UBXN7: variants seen among roughly 807,000 people sequenced by gnomAD.
UBXN7 encodes the protein UBX domain protein 7.
In UBXN7, 9 loss-of-function variants were observed where a neutral mutation model predicts 58.0. The ratio of observed to expected loss-of-function variants is 0.16; its 90% CI spans 0.09 to 0.27. UBXN7 has a LOEUF of 0.27. Ranked by LOEUF, UBXN7 falls within the 10% of genes least tolerant of loss-of-function variation. The pLI is 1.00. For missense variants in UBXN7, 328 were observed against 599.6 expected (o/e 0.55, Z 4.73); for synonymous variants, 208 against 205.0 (o/e 1.01, Z -0.12).
chr3:196,417,523 C>T (rs1046982230), intron 1 of UBXN7, among the ~76,000 whole-genome samples: 1 of 151,844 alleles, frequency 6.6e-6, no homozygotes, highest in African/African-American at 2.4e-5. Context: ...ACTAGTGTGA[C>T]TCTGAGTAAG....
intron 1 of UBXN7, chr3:196,431,374 C>T (rs1731041365): frequency 6.6e-6 from 1 of 152,282 alleles, no homozygotes; most frequent in Admixed American, 6.5e-5. Flanking sequence ...AAGAAAAGTT[C>T]AGCACCATCA....
chr3:196,401,325 A>G (rs1560235466), intron 3 of UBXN7, among the ~76,000 whole-genome samples: 1 of 138,542 alleles, frequency 7.2e-6, no homozygotes, highest in East Asian at 2.1e-4. Flanking sequence ...ACACACATAT[A>G]TATATATACA....
intron 2 of UBXN7, among the ~76,000 whole-genome samples, chr3:196,404,655 G>A (rs1318528512): frequency 2.0e-5 from 3 of 152,188 alleles, no homozygotes; most frequent in East Asian, 3.9e-4. Context: ...TTTATGAAAT[G>A]AAGTAGGAAT....
chr3:196,363,060 A>G (rs1263051165), intron 8 of UBXN7, among the ~76,000 whole-genome samples: 1 of 151,614 alleles, frequency 6.6e-6, no homozygotes, highest in Non-Finnish European at 1.5e-5. Flanking sequence ...GCCCGCCACC[A>G]CGCCCAGCTA....
At chr3:196,423,943 G>A (rs1173822754) in intron 1 of UBXN7, among the ~76,000 whole-genome samples, 2 of 144,978 alleles carry the variant, frequency 1.4e-5, no homozygotes, top group Non-Finnish European at 3.0e-5. Context: ...AGGCTGGAGT[G>A]CAGTGGCAAG....
At chr3:196,405,711 A>G (rs760899262) in intron 2 of UBXN7, among the ~76,000 whole-genome samples, 3 of 152,138 alleles carry the variant, frequency 2.0e-5, no homozygotes, top group Non-Finnish European at 4.4e-5. Flanking sequence ...CTTGATTACT[A>G]CATTATCTGA....
At position 196,356,777 on chromosome 3, in the gene UBXN7, G is replaced by A. The variant is rs375653732; in HGVS notation, c.1378C>T (p.Arg460Ter). Residue 460 changes from arginine to a stop codon, truncating the protein, a stop_gained, in exon 11 of 11, where the codon CGA (arginine) becomes TGA (stop). Transcript: ENST00000296328. LOFTEE classifies it high-confidence loss of function. The part of the protein sequence containing the change: ...ERFELLTNFP[R>*]RKLSHLDYDI... The stretch of plus-strand genomic sequence containing the variant: ...TAGTCCAGATGAGATAATTTCCTTC[G>A]AGGAAAGTTGGTGAGAAGTTCAAAA... 1.2e-6 allele frequency: 2 copies of A among 1,613,794 alleles called. No individual in the cohort carries two copies. Among genetic ancestry groups the A allele is most frequent in the Non-Finnish European group, 1.7e-6 (2 of 1,179,984 alleles).
chr3:196,403,172 G>A (rs140885260), intron 2 of UBXN7, among the ~76,000 whole-genome samples, 153 bp from the exon 3 acceptor site: 275 of 152,112 alleles, frequency 1.8e-3, no homozygotes, highest in African/African-American at 6.3e-3. Context: ...TTGGGGGGGC[G>A]GTGGAGACAG....
intron 10 of UBXN7, 102 bp downstream of exon 10, chr3:196,361,742 G>C: frequency 1.0e-6 from 1 of 967,976 alleles, no homozygotes; most frequent in Non-Finnish European, 1.6e-6. Context: ...ATAGACTATG[G>C]AATAATGTAA....
chr3:196,405,027 G>A (rs1013427204), intron 2 of UBXN7, among the ~76,000 whole-genome samples: 3 of 152,050 alleles, frequency 2.0e-5, no homozygotes, highest in Non-Finnish European at 2.9e-5. Context: ...GGTGGCATGC[G>A]CCTATAGTCC....
intron 1 of UBXN7, 183 bp downstream of exon 1, chr3:196,432,144 G>A (rs941548966): frequency 1.3e-5 from 10 of 783,792 alleles, no homozygotes; most frequent in Non-Finnish European, 2.2e-5. Flanking sequence ...GGGAGCGGGG[G>A]GGGGCTGTCT....
intron 6 of UBXN7, among the ~76,000 whole-genome samples, 154 bp from the exon 7 acceptor site, chr3:196,369,665 T>C (rs995296213): frequency 1.3e-5 from 2 of 152,192 alleles, no homozygotes; most frequent in African/African-American, 4.8e-5. Context: ...TAAATCTGGT[T>C]TGAACTCCTT....
At chr3:196,391,977 T>TTA in intron 4 of UBXN7, 52 bp from the exon 5 acceptor site, 3 of 318,030 alleles carry the variant, frequency 9.4e-6, no homozygotes, top group Non-Finnish European at 1.3e-5. Flanking sequence ...TGAATCACAC[T>TTA]GAAAAAAAAA....
At position 196,407,421 on chromosome 3, in the gene UBXN7, G is replaced by A. The variant is rs753717417; in HGVS notation, c.74-28C>T. 3.3e-5 allele frequency: 41 copies of A among 1,241,436 alleles called. No individual in the cohort carries two copies. The Middle Eastern group carries it at 7.8e-4, about 24-fold the overall frequency. The allele number at this position is 1,241,436 out of a possible 1,614,324, so 76.9% of individuals were successfully genotyped here. ...GAAACAGTAAAAAGACAGGAAAAAC[G>A]TTAAAAAAAAAAAAAAAAAAGACAG... On this transcript the variant is annotated intron_variant, in intron 1 of 10. Transcript: ENST00000296328.
chr3:196,360,219 G>T (rs560567426), intron 10 of UBXN7, among the ~76,000 whole-genome samples: 2 of 152,338 alleles, frequency 1.3e-5, no homozygotes, highest in Non-Finnish European at 2.9e-5. Flanking sequence ...TCTAGAAGAT[G>T]TAGTGAAGAC....
chr3:196,360,399 C>G (rs1728475446), intron 10 of UBXN7, among the ~76,000 whole-genome samples: 1 of 152,174 alleles, frequency 6.6e-6, no homozygotes, highest in African/African-American at 2.4e-5. Flanking sequence ...CTGGTGACTT[C>G]CAGTTGAAGC....
chr3:196,428,535 GAAGAT>G (rs1373224084), intron 1 of UBXN7, among the ~76,000 whole-genome samples: 9 of 151,996 alleles, frequency 5.9e-5, no homozygotes, highest in Non-Finnish European at 1.0e-4. Context: ...ACAAGAAGTG[GAAGAT>G]AATATGTAAA....
intron 1 of UBXN7, among the ~76,000 whole-genome samples, chr3:196,427,419 G>A (rs1239160976): frequency 6.6e-6 from 1 of 152,126 alleles, no homozygotes; most frequent in African/African-American, 2.4e-5. Flanking sequence ...CTGGGTTCAC[G>A]AGATTCTCCT....
chr3:196,420,446 G>A (rs938811598), intron 1 of UBXN7, among the ~76,000 whole-genome samples: 14 of 151,348 alleles, frequency 9.3e-5, no homozygotes, highest in Admixed American at 8.6e-4. Flanking sequence ...CAGAAGAATC[G>A]TTTGACCCCG....
Sources: gnomAD v4.1 joint callset for allele counts (sites outside exome capture counted in the v4.1 genomes callset) on GRCh38, gnomAD v4.1.1 for gene constraint, MANE v1.5 for transcripts, NCBI Gene and HGNC (gene_info 2026-07-23, HGNC 2026-07-21) for gene names.